KIR2DL4: variants seen among roughly 807,000 people sequenced by gnomAD.
KIR2DL4 encodes the protein killer cell immunoglobulin like receptor, two Ig domains and long cytoplasmic tail 4, also known as killer cell immunoglobulin-like receptor 2DL4.
Under a neutral mutation model 31.0 loss-of-function variants are expected in KIR2DL4, and 41 were observed. That is an observed-to-expected ratio of 1.32 (90% confidence interval 1.03 to 1.72). The LOEUF (loss-of-function observed/expected upper bound fraction) is 1.72, where lower values mean the gene tolerates loss of function less well. Among genes scored for constraint, KIR2DL4 ranks in the 40% most tolerant of loss-of-function variants. The pLI, the probability that KIR2DL4 is intolerant of heterozygous loss-of-function variation, is 0.00. For synonymous variants in KIR2DL4, 164 were observed against 133.6 expected (o/e 1.23, Z -1.57); for missense variants, 438 against 353.7 (o/e 1.24, Z -1.91).
exon 8 of KIR2DL4, chr19:54,813,908 A>G: frequency 6.2e-7 from 1 of 1,612,434 alleles, no homozygotes; most frequent in Non-Finnish European, 8.5e-7. Context: ...TTTCACACAG[A>G]GAAAAATCAC....
chr19:54,813,703 G>A, exon 7 of KIR2DL4: 3 of 1,612,014 alleles, frequency 1.9e-6, no homozygotes, highest in Non-Finnish European at 2.5e-6. Context: ...CTGCTGTAAT[G>A]AACCAAGAGC....
chr19:54,813,953 G>T (rs752230810), exon 8 of KIR2DL4: 1 of 1,612,404 alleles, frequency 6.2e-7, no homozygotes, highest in South Asian at 1.1e-5. Context: ...ACCCTCAACA[G>T]ATACCAGCGT....
At chr19:54,810,763 G>T (rs778490335) in intron 5 of KIR2DL4, among the ~76,000 whole-genome samples, 7 of 151,114 alleles carry the variant, frequency 4.6e-5, no homozygotes, top group Non-Finnish European at 7.4e-5. Flanking sequence ...TTACCTCGGG[G>T]CTAACTGGGA....
At chr19:54,808,109 C>G (rs1359983861) in intron 4 of KIR2DL4, among the ~76,000 whole-genome samples, 4 of 150,716 alleles carry the variant, frequency 2.7e-5, no homozygotes, top group Middle Eastern at 6.8e-3. Context: ...ATCTCAGATG[C>G]ATAGTTTGCA....
chr19:54,808,613 T>C (rs1162380457), intron 4 of KIR2DL4, among the ~76,000 whole-genome samples: 1 of 150,592 alleles, frequency 6.6e-6, no homozygotes, highest in Non-Finnish European at 1.5e-5. Flanking sequence ...CTGTAACATA[T>C]TTTTAAGTCA....
In KIR2DL4 at chr19:54,806,420, C is replaced by G. The variant is rs923269436; in HGVS notation, c.655+176C>G. On this transcript the variant is annotated intron_variant, in intron 4 of 7. Transcript: ENST00000359085. ...GGCACCTCCAAACCCTCCTGCATGG[C>G]CTGCATGGAAGCTTGCAGTAAGGGC... Among the ~76,000 whole-genome samples the G allele has an allele frequency of 3.3e-3, 499 of 151,284 alleles. 15 individuals carry two copies. The highest frequency in any genetic ancestry group is 0.012 in the African/African-American group (480 of 41,014).
Position 54,804,832 on chromosome 19 carries a change from C to T in KIR2DL4, c.116C>T (p.Ala39Val), listed in dbSNP as rs376229345. 21 of 1,612,332 alleles carry T rather than the reference C, an allele frequency of 1.3e-5. No homozygotes were observed. In the African/African-American group the frequency reaches 2.7e-4, roughly 21 times the overall value. ...CCCTTCTGCTCTGCCTGGCCCAGCGCTGTGGTGCCTCAAGGAGGACACGTG... is the reference window on the plus strand; with the variant it reads ...CCCTTCTGCTCTGCCTGGCCCAGCGTTGTGGTGCCTCAAGGAGGACACGTG... The change falls in exon 3 of 8, where the codon GCT becomes GTT. Residue 39 changes from alanine to valine, a missense_variant. Ala to Val is a moderately conservative substitution (Grantham distance 64). Coordinates refer to ENST00000359085, the Ensembl canonical transcript of KIR2DL4.
chr19:54,803,829 G>A, intron 1 of KIR2DL4, 62 bp from the exon 2 acceptor site: 2 of 1,574,016 alleles, frequency 1.3e-6, no homozygotes, highest in South Asian at 1.1e-5. Context: ...GCGCCCAGTG[G>A]CTCAGGAGGA....
At chr19:54,811,521 T>A (rs1232636365) in intron 5 of KIR2DL4, among the ~76,000 whole-genome samples, 1 of 151,122 alleles carries the variant, frequency 6.6e-6, no homozygotes, top group East Asian at 1.9e-4. Flanking sequence ...ATCCTATCCG[T>A]AAGAAAATCA....
At position 54,803,710 on chromosome 19, in the gene KIR2DL4, G is replaced by A; in HGVS notation, c.40+19G>A. 8.1e-6 allele frequency: 13 copies of A among 1,609,922 alleles called. 1 individual carries two copies. The highest frequency in any genetic ancestry group is 1.1e-5 in the Non-Finnish European group (13 of 1,177,810). ...TGTCTTGGTGAGTCCTGGAAGGGAA[G>A]GAGCACCAGGGTTACACTATGGGCC... On this transcript the variant is annotated intron_variant, in intron 1 of 7. Coordinates refer to ENST00000359085, the Ensembl canonical transcript of KIR2DL4.
intron 5 of KIR2DL4, among the ~76,000 whole-genome samples, chr19:54,809,354 A>G (rs2060717837): frequency 1.3e-5 from 2 of 150,752 alleles, no homozygotes; most frequent in Non-Finnish European, 2.9e-5. Flanking sequence ...ATCCGTGCAC[A>G]TGACACTTCC....
chr19:54,805,833 T>TGAGAGAGAGA (rs3050844), intron 3 of KIR2DL4, 118 bp from the exon 4 acceptor site: 45 of 832,428 alleles, frequency 5.4e-5, no homozygotes, highest in East Asian at 1.0e-4. Flanking sequence ...GGGTGGAGGG[T>TGAGAGAGAGA]GAGAGAGAGA....
At chr19:54,813,784 C>A (rs753241102) in intron 7 of KIR2DL4, 42 bp downstream of exon 6, 3 of 1,611,342 alleles carry the variant, frequency 1.9e-6, no homozygotes, top group Non-Finnish European at 1.7e-6. Context: ...AGTCTTATTC[C>A]GAAATAGTCC....
chr19:54,805,922 C>A, intron 3 of KIR2DL4, 29 bp from the exon 4 acceptor site: 2 of 1,578,628 alleles, frequency 1.3e-6, no homozygotes, highest in Non-Finnish European at 1.7e-6. Context: ...GAAGAACCTC[C>A]CTGAGGAAAC....
chr19:54,803,661 T>A, exon 1 of KIR2DL4: 2 of 1,612,212 alleles, frequency 1.2e-6, no homozygotes, highest in Non-Finnish European at 1.7e-6. Context: ...CATGTCCATG[T>A]CACCCACGGT....
At chr19:54,812,338 TG>T (rs1369346176) in intron 5 of KIR2DL4, among the ~76,000 whole-genome samples, 2 of 151,194 alleles carry the variant, frequency 1.3e-5, no homozygotes, top group African/African-American at 2.4e-5. Context: ...GCACTGTAGC[TG>T]GGGGAAGCCA....
chr19:54,807,838 C>G (rs1260820699), intron 4 of KIR2DL4, among the ~76,000 whole-genome samples: 6 of 149,282 alleles, frequency 4.0e-5, no homozygotes, highest in East Asian at 3.9e-4. Context: ...CTTTCTCCAC[C>G]ACCTTGCCAA....
At chr19:54,804,772 C>T (rs757914996) in intron 2 of KIR2DL4, 21 bp from the exon 3 acceptor site, 4 of 1,606,442 alleles carry the variant, frequency 2.5e-6, no homozygotes, top group Non-Finnish European at 3.4e-6. Flanking sequence ...CTCTCTGAGG[C>T]GGCATCTCCT....
At chr19:54,808,869 C>A in exon 5 of KIR2DL4, 1 of 1,604,774 alleles carries the variant, frequency 6.2e-7, no homozygotes. Context: ...CCCACTGAAC[C>A]AAGCTTCAAA....
Sources: allele counts gnomAD v4.1 joint callset (sites outside exome capture counted in the v4.1 genomes callset), GRCh38; gene constraint gnomAD v4.1.1; transcripts MANE v1.5; gene names NCBI Gene and HGNC (gene_info 2026-07-23, HGNC 2026-07-21).